Variants in CTH observed in about 807,000 individuals in gnomAD.
The protein encoded by CTH is cystathionine gamma-lyase.
A neutral mutation model predicts 50.6 loss-of-function variants in CTH; 41 were observed. The ratio of observed to expected loss-of-function variants is 0.81; its 90% CI spans 0.63 to 1.05. The LOEUF is 1.05. Ranked by LOEUF, CTH falls within the 50% of genes least tolerant of loss-of-function variation. CTH has a pLI of 0.00. For synonymous variants in CTH, 156 were observed against 168.9 expected, an observed-to-expected ratio of 0.92 and a Z score of 0.59; for missense variants, 470 against 492.6, an observed-to-expected ratio of 0.95 and a Z score of 0.43.
At chr1:70,434,920 T>G in intron 9 of CTH, 2 of 384,288 alleles carry the variant, frequency 5.2e-6, no homozygotes, top group Non-Finnish European at 9.8e-6. Flanking sequence ...GCTCAGCTAA[T>G]TTTTGTATTT....
Position 70,416,027 on chromosome 1 carries a change from G to A in CTH, c.240G>A (p.Gly80=). Residue 80 remains glycine (G), a synonymous_variant, in exon 2 of 12, where the codon GGG becomes GGA. Transcript: ENST00000370938. The part of the protein sequence containing the change: ...CLEKAVAALD[G]AKYCLAFASG... ...AAAAAGCAGTGGCAGCACTGGATGGGGCTAAGTACTGTAAGTAATTTCCAT... is the reference window on the plus strand; with the variant it reads ...AAAAAGCAGTGGCAGCACTGGATGGAGCTAAGTACTGTAAGTAATTTCCAT... 1.3e-6 allele frequency: 2 copies of A among 1,564,764 alleles called. No individual in the cohort carries two copies. Among genetic ancestry groups the A allele is most frequent in the African/African-American group, 1.4e-5 (1 of 73,948 alleles).
intron 4 of CTH, among the ~76,000 whole-genome samples, chr1:70,423,396 CAA>C (rs984929771): frequency 3.0e-5 from 4 of 132,106 alleles, no homozygotes; most frequent in Admixed American, 7.7e-5. Flanking sequence ...CCTTTCTCTG[CAA>C]AAAAAAAAAA....
At chr1:70,438,601 G>A in intron 10 of CTH, 87 bp from the exon 11 acceptor site, 4 of 1,467,606 alleles carry the variant, frequency 2.7e-6, no homozygotes, top group Non-Finnish European at 3.8e-6. Context: ...CCAGAAAAAT[G>A]TTGAGGGTAA....
chr1:70,421,830 G>A (rs971890286), intron 4 of CTH, among the ~76,000 whole-genome samples, 155 bp downstream of exon 4: 4 of 152,028 alleles, frequency 2.6e-5, no homozygotes, highest in African/African-American at 4.8e-5. Context: ...TCATCTCCGG[G>A]GTGTTATAGC....
rs1157731553 is a variant in CTH, at chr1:70,439,236, G to A, written c.*109G>A. On this transcript the variant is annotated 3_prime_UTR_variant, in exon 12 of 12. Transcript: ENST00000370938. ...CAAAATTTTCAAGCGGAAATTTTAA[G>A]GCACCTCATTATCTTTCATAACTGT... The A allele has an allele frequency of 3.1e-6, 3 of 983,522 alleles. No individual in the cohort carries two copies. Among genetic ancestry groups the A allele is most frequent in the Non-Finnish European group, 4.9e-6 (3 of 609,446 alleles). The allele number at this position is 983,522 out of a possible 1,614,324, so 60.9% of individuals were successfully genotyped here.
intron 2 of CTH, among the ~76,000 whole-genome samples, chr1:70,417,349 A>G (rs1040169733): frequency 1.3e-5 from 2 of 151,658 alleles, no homozygotes; most frequent in African/African-American, 2.4e-5. Flanking sequence ...CAGTGGTGCA[A>G]TCTTGGCTCA....
At chr1:70,429,290 A>T (rs1158604944) in intron 5 of CTH, among the ~76,000 whole-genome samples, 1 of 152,216 alleles carries the variant, frequency 6.6e-6, no homozygotes, top group African/African-American at 2.4e-5. Flanking sequence ...GGAAGGGCTG[A>T]GTAATTAGGA....
At chr1:70,416,956 G>A (rs777292256) in intron 2 of CTH, among the ~76,000 whole-genome samples, 7 of 151,996 alleles carry the variant, frequency 4.6e-5, no homozygotes, top group Non-Finnish European at 8.8e-5. Context: ...GCCTCCCAAA[G>A]TGCTGGGATT....
rs1271196058 is a variant in CTH, at chr1:70,417,948, G to T, written c.262G>T (p.Ala88Ser). ...LDGAKYCLAF[A>S]SGLAATVTIT... ...GATTTTTATTTTAGGTTTGGCCTTT[G>T]CTTCAGGTTTAGCAGCCACTGTAAC... is the stretch of plus-strand genomic sequence containing the variant. Residue 88 changes from alanine (A) to serine (S), a missense_variant, in exon 3 of 12, where the codon GCT (alanine) becomes TCT (serine). Ala to Ser is a moderately conservative substitution (Grantham distance 99, BLOSUM62 1). Transcript: ENST00000370938. 5 of 1,613,874 alleles carry T rather than the reference G, an allele frequency of 3.1e-6. No homozygotes were observed. The South Asian group carries it at 4.4e-5, about 14-fold the overall frequency.
At position 70,417,993 on chromosome 1, in the gene CTH, G is replaced by T. The variant is rs143018789; in HGVS notation, c.307G>T (p.Ala103Ser). 33 of 1,614,012 alleles carry T rather than the reference G, an allele frequency of 2.0e-5. No individual in the cohort carries two copies. Among genetic ancestry groups the T allele is most frequent in the Non-Finnish European group, 2.8e-5 (33 of 1,180,018 alleles). Residue 103 changes from alanine (A) to serine (S), a missense_variant, in exon 3 of 12, where the codon GCA becomes TCA. Transcript: ENST00000370938. ...ATVTITHLLKAGDQIICMDDV... is the reference protein window; with the variant it reads ...ATVTITHLLKSGDQIICMDDV... The stretch of plus-strand genomic sequence containing the variant: ...TGTAACTATTACCCATCTTTTAAAA[G>T]CAGGAGACCAAATTATTTGTATGGA...
At chr1:70,425,320 G>T (rs1334800015) in intron 5 of CTH, among the ~76,000 whole-genome samples, 2 of 152,140 alleles carry the variant, frequency 1.3e-5, no homozygotes, top group African/African-American at 4.8e-5. Context: ...TATAAACTGG[G>T]TGGCTTACAA....
chr1:70,421,519 C>A, intron 3 of CTH, 47 bp from the exon 4 acceptor site: 1 of 1,579,554 alleles, frequency 6.3e-7, no homozygotes, highest in Non-Finnish European at 8.7e-7. Context: ...ATGAATGTTT[C>A]TTAATGCAAT....
chr1:70,427,848 G>C (rs191875526), intron 5 of CTH, among the ~76,000 whole-genome samples: 4 of 152,186 alleles, frequency 2.6e-5, no homozygotes, highest in Admixed American at 2.6e-4. Context: ...GAGTAGCTGG[G>C]ATTACAGGTT....
At chr1:70,420,627 T>A (rs1345358006) in intron 3 of CTH, among the ~76,000 whole-genome samples, 2 of 152,166 alleles carry the variant, frequency 1.3e-5, no homozygotes, top group African/African-American at 4.8e-5. Context: ...GTGGCCTGGG[T>A]TGGGGACCCC....
At position 70,417,920 on chromosome 1, in the gene CTH, CT is replaced by C. The variant is rs1684128778; in HGVS notation, c.251-15del. The C allele has an allele frequency of 6.2e-7, 1 of 1,613,750 alleles. No individual in the cohort carries two copies. The highest frequency in any genetic ancestry group is 1.1e-5 in the South Asian group (1 of 91,076). ...GGCCTGACTTTTCAGCTTACTCTAACTTGATTTTTATTTTAGGTTTGGCCTT... is the reference window on the plus strand; with the variant it reads ...GGCCTGACTTTTCAGCTTACTCTAACTGATTTTTATTTTAGGTTTGGCCTT... On this transcript the variant is annotated splice_polypyrimidine_tract_variant and intron_variant, in intron 2 of 11. Coordinates refer to ENST00000370938, the MANE Select transcript of CTH (RefSeq NM_001902.6).
intron 9 of CTH, 58 bp downstream of exon 9, chr1:70,434,007 A>C: frequency 6.2e-7 from 1 of 1,607,844 alleles, no homozygotes. Flanking sequence ...GCAGTTCACT[A>C]TCTCTCACTT....
chr1:70,415,297 A>T (rs978650146), intron 1 of CTH, among the ~76,000 whole-genome samples: 2 of 152,114 alleles, frequency 1.3e-5, no homozygotes, highest in Non-Finnish European at 2.9e-5. Context: ...TTAGCTACTC[A>T]GGAGGCTGAG....
intron 9 of CTH, 96 bp from the exon 10 acceptor site, chr1:70,435,029 G>T (rs1369671828): frequency 1.7e-6 from 2 of 1,156,888 alleles, no homozygotes; most frequent in Non-Finnish European, 2.4e-6. Context: ...GGGATTACAG[G>T]CATGAGCCAC....
rs1684438276 is a variant in CTH, at chr1:70,430,378, T to C, written c.708T>C (p.Leu236=). Residue 236 remains leucine (L), a synonymous_variant, in exon 7 of 12, where the codon CTT becomes CTC. Coordinates refer to ENST00000370938, the MANE Select transcript of CTH (RefSeq NM_001902.6). ...ATTGTGAAAGCCTTCATAATAGACT[T>C]CGTTTCTTGCAAAACTGTAAGTATT... ...SVNCESLHNR[L]RFLQNSLGAV... 6.3e-7 allele frequency: 1 copy of C among 1,575,150 alleles called. No homozygotes were observed. Among genetic ancestry groups the C allele is most frequent in the East Asian group, 2.2e-5 (1 of 44,632 alleles).
Sources: allele counts gnomAD v4.1 joint callset (sites outside exome capture counted in the v4.1 genomes callset), GRCh38; gene constraint gnomAD v4.1.1; transcripts MANE v1.5; gene names NCBI Gene and HGNC (gene_info 2026-07-23, HGNC 2026-07-21).